ABCG2: variants seen among roughly 807,000 people sequenced by gnomAD.
The protein encoded by ABCG2 is broad substrate specificity ATP-binding cassette transporter ABCG2.
A neutral mutation model predicts 73.5 loss-of-function variants in ABCG2; 80 were observed. That is an observed-to-expected ratio of 1.09 (90% CI 0.91 to 1.31). ABCG2 has a LOEUF of 1.31. ABCG2 is among the 50% of genes most tolerant of loss of function. ABCG2 has a pLI of 0.00. For missense variants in ABCG2, 796 were observed against 786.2 expected (o/e 1.01, Z -0.15); for synonymous variants, 269 against 282.4 (o/e 0.95, Z 0.48).
At position 88,097,610 on chromosome 4, in the gene ABCG2, T is replaced by C; in HGVS notation, c.1493-3A>G. On this transcript the variant is annotated splice_region_variant and splice_polypyrimidine_tract_variant and intron_variant, in intron 12 of 15. Coordinates refer to ENST00000237612, the MANE Select transcript of ABCG2 (RefSeq NM_004827.3). ...GGCATCTGCCTTTGGCTTCAATCCT[T>C]AGTCAGAAAGAGAAGAAGTAGTTAA... 1 of 1,613,658 alleles carries C rather than the reference T, an allele frequency of 6.2e-7. No homozygotes were observed. Among genetic ancestry groups the C allele is most frequent in the Non-Finnish European group, 8.5e-7 (1 of 1,179,804 alleles).
rs550190578 is a variant in ABCG2 at position 88,167,602 on chromosome 4, T to A, written c.-19-27588A>T. Among the ~76,000 whole-genome samples, 17 of 152,252 alleles carry A rather than the reference T, an allele frequency of 1.1e-4. No individual in the cohort carries two copies. The East Asian group carries it at 3.3e-3, about 29-fold the overall frequency. On this transcript the variant is annotated intron_variant, in intron 1 of 15. Transcript: ENST00000515655. ...ATTGGCCAGGCTGGTTTCGAACTCCTGACCTCAGGTGATCCACCCACCTTG... is the reference window on the plus strand; with the variant it reads ...ATTGGCCAGGCTGGTTTCGAACTCCAGACCTCAGGTGATCCACCCACCTTG...
intron 2 of ABCG2, among the ~76,000 whole-genome samples, chr4:88,136,278 T>C (rs568984855): frequency 3.3e-5 from 5 of 152,184 alleles, no homozygotes; most frequent in African/African-American, 9.6e-5. Flanking sequence ...ATATCTTCTC[T>C]AGGTCTCACT....
At position 88,124,834 on chromosome 4, in the gene ABCG2, C is replaced by T. The variant is rs566632982; in HGVS notation, c.532-3042G>A. ...AACAGACACCTACAGAACTCTCTAC[C>T]CCAAAGCAATAGAATATACATTCTT... On this transcript the variant is annotated intron_variant, in intron 5 of 15. Coordinates refer to ENST00000237612, the MANE Select transcript of ABCG2 (RefSeq NM_004827.3). 6.6e-5 allele frequency among the ~76,000 whole-genome samples: 10 copies of T among 152,248 alleles called. No individual in the cohort carries two copies. The South Asian group carries it at 2.1e-3, about 32-fold the overall frequency.
chr4:88,123,080 G>C (rs1449352456), intron 5 of ABCG2, among the ~76,000 whole-genome samples: 2 of 152,232 alleles, frequency 1.3e-5, no homozygotes, highest in Non-Finnish European at 2.9e-5. Context: ...ACCTGCAGCA[G>C]AGAGGCCTGA....
chr4:88,131,254 A>C (rs1280966689), intron 4 of ABCG2, 41 bp from the exon 5 acceptor site: 3 of 1,593,298 alleles, frequency 1.9e-6, no homozygotes, highest in Non-Finnish European at 2.6e-6. Flanking sequence ...AATGATAATG[A>C]GTCTTTTCTA....
chr4:88,120,915 C>T (rs1723924077), intron 6 of ABCG2, among the ~76,000 whole-genome samples: 2 of 152,054 alleles, frequency 1.3e-5, no homozygotes, highest in Non-Finnish European at 2.9e-5. Context: ...CCAAATCTCA[C>T]CTTGAATTGT....
intron 1 of ABCG2, among the ~76,000 whole-genome samples, chr4:88,178,259 T>G (rs1489265309): frequency 6.6e-6 from 1 of 152,116 alleles, no homozygotes; most frequent in Non-Finnish European, 1.5e-5. Context: ...AGGGAACCAG[T>G]CAGAGTTGTG....
chr4:88,219,817 C>G (rs893441564), intron 1 of ABCG2, among the ~76,000 whole-genome samples: 1 of 151,328 alleles, frequency 6.6e-6, no homozygotes, highest in African/African-American at 2.4e-5. Context: ...TCTCGATCTC[C>G]TGACCTCGTG....
chr4:88,231,499 G>T (rs1396126474), upstream of ABCG2, among the ~76,000 whole-genome samples: 1 of 152,126 alleles, frequency 6.6e-6, no homozygotes, highest in Non-Finnish European at 1.5e-5. Flanking sequence ...TTGTGCCGCG[G>T]AATTCTGATG....
At chr4:88,187,093 C>CAAAAAAAAAA (rs61116461) in intron 1 of ABCG2, among the ~76,000 whole-genome samples, 1 of 45,194 alleles carries the variant, frequency 2.2e-5, no homozygotes, top group African/African-American at 9.7e-5. Context: ...GATTCTGTCT[C>CAAAAAAAAAA]AAAAAAAAAA....
At chr4:88,226,810 G>C (rs1028559079) in intron 1 of ABCG2, 3 of 152,350 alleles carry the variant, frequency 2.0e-5, no homozygotes, top group Admixed American at 6.6e-5. Context: ...ACGCAAATTC[G>C]TGAAGCATTT....
intron 1 of ABCG2, among the ~76,000 whole-genome samples, chr4:88,197,206 A>AC (rs1302109550): frequency 1.3e-5 from 2 of 151,986 alleles, no homozygotes; most frequent in African/African-American, 4.8e-5. Context: ...ACAAAAAAAA[A>AC]AAAACAAGGC....
At chr4:88,198,124 G>A (rs191941787) in intron 1 of ABCG2, among the ~76,000 whole-genome samples, 8 of 151,832 alleles carry the variant, frequency 5.3e-5, no homozygotes, top group Admixed American at 5.2e-4. Context: ...CTGAGGTTAG[G>A]AGTTCAAGAC....
intron 1 of ABCG2, among the ~76,000 whole-genome samples, chr4:88,192,173 T>C (rs1310637532): frequency 8.0e-6 from 1 of 124,746 alleles, no homozygotes; most frequent in African/African-American, 3.2e-5. Flanking sequence ...AGAGCAAAAC[T>C]CTGTGTCAAG....
At chr4:88,217,637 G>A (rs1423110578) in intron 1 of ABCG2, among the ~76,000 whole-genome samples, 2 of 150,592 alleles carry the variant, frequency 1.3e-5, no homozygotes, top group Admixed American at 6.6e-5. Flanking sequence ...ACTCCAGCCT[G>A]GGCAACAGAA....
chr4:88,178,869 A>G (rs1476670582), intron 1 of ABCG2, among the ~76,000 whole-genome samples: 1 of 152,174 alleles, frequency 6.6e-6, no homozygotes, highest in Admixed American at 6.5e-5. Flanking sequence ...GCTCCAGCAC[A>G]GCCTCAGTGG....
intron 1 of ABCG2, among the ~76,000 whole-genome samples, chr4:88,191,309 C>G (rs1728684267): frequency 6.7e-6 from 1 of 150,270 alleles, no homozygotes; most frequent in Non-Finnish European, 1.5e-5. Flanking sequence ...TTTACAAAGA[C>G]ATTTCACCTA....
At position 88,206,912 on chromosome 4, in the gene ABCG2, C is replaced by G. The variant is rs558000623; in HGVS notation, c.-20+24082G>C. ...CAGAAAAGTTCCCCAAGTCCCCACC[C>G]GACCCAGAAGCCCAGCCAGCTTCAT... On this transcript the variant is annotated intron_variant, in intron 1 of 15. Coordinates refer to the ABCG2 transcript ENST00000515655. Among the ~76,000 whole-genome samples, 4 of 152,256 alleles carry G rather than the reference C, an allele frequency of 2.6e-5. No homozygotes were observed. The East Asian group carries it at 7.7e-4, about 29-fold the overall frequency.
intron 1 of ABCG2, among the ~76,000 whole-genome samples, chr4:88,205,902 C>T (rs1331820189): frequency 2.0e-5 from 3 of 152,038 alleles, no homozygotes; most frequent in Admixed American, 6.6e-5. Context: ...AGGATGGTCT[C>T]GATCTCTTGA....
Sources: allele counts gnomAD v4.1 joint callset (sites outside exome capture counted in the v4.1 genomes callset), GRCh38; gene constraint gnomAD v4.1.1; transcripts MANE v1.5; gene names NCBI Gene and HGNC (gene_info 2026-07-23, HGNC 2026-07-21).